Variants in DAB1 observed in about 807,000 individuals in gnomAD.
The protein encoded by DAB1 is disabled homolog 1.
In DAB1, 15 loss-of-function variants were observed where a neutral mutation model predicts 64.6. That is an observed-to-expected ratio of 0.23 (90% CI 0.16 to 0.36). The LOEUF is 0.36. Among genes scored for constraint, DAB1 ranks in the 10% least tolerant of loss-of-function variants. DAB1 has a pLI of 1.00. For missense variants in DAB1, 596 were observed against 706.7 expected, an observed-to-expected ratio of 0.84 and a Z score of 1.78; for synonymous variants, 235 against 251.9, an observed-to-expected ratio of 0.93 and a Z score of 0.64.
chr1:58,037,092 G>T (rs185577527), intron 5 of DAB1, among the ~76,000 whole-genome samples: 1 of 151,934 alleles, frequency 6.6e-6, no homozygotes, highest in African/African-American at 2.4e-5. Context: ...CCCTTAGACC[G>T]CTATCATTTT....
chr1:57,301,008 A>C (rs1164093677), intron 1 of DAB1, among the ~76,000 whole-genome samples: 1 of 152,022 alleles, frequency 6.6e-6, no homozygotes, highest in Non-Finnish European at 1.5e-5. Flanking sequence ...AGGGCCAAGC[A>C]AAAGACTGCT....
chr1:57,554,246 C>T (rs1334259403), intron 7 of DAB1, among the ~76,000 whole-genome samples: 1 of 152,200 alleles, frequency 6.6e-6, no homozygotes, highest in Non-Finnish European at 1.5e-5. Context: ...TGGAGAAGTG[C>T]AATGCAGTGT....
At chr1:57,536,703 A>AC (rs2101434904) in intron 7 of DAB1, among the ~76,000 whole-genome samples, 1 of 152,036 alleles carries the variant, frequency 6.6e-6, no homozygotes, top group Admixed American at 6.6e-5. Flanking sequence ...AAAAAAAAAA[A>AC]AAAAAAAGAT....
At chr1:58,064,975 G>C (rs1570303241) in intron 5 of DAB1, among the ~76,000 whole-genome samples, 1 of 152,192 alleles carries the variant, frequency 6.6e-6, no homozygotes, top group South Asian at 2.1e-4. Context: ...CTCCCAAAAT[G>C]CTGGGATTAC....
rs996690637 is a variant in DAB1, at chr1:57,734,632, C to T, written n.552-84967G>A. Among the ~76,000 whole-genome samples the T allele has an allele frequency of 2.6e-5, 4 of 152,190 alleles. No homozygotes were observed. In the East Asian group the frequency reaches 5.8e-4, roughly 22 times the overall value. ...TGTGCCTGAACTTAAGTTTCAACTTCGCTTAACCCTTGCTGATTCTTTTGG... is the reference window on the plus strand; with the variant it reads ...TGTGCCTGAACTTAAGTTTCAACTTTGCTTAACCCTTGCTGATTCTTTTGG... On this transcript the variant is annotated intron_variant and non_coding_transcript_variant, in intron 6 of 20. Coordinates refer to the DAB1 transcript ENST00000485760.
chr1:57,394,577 A>T (rs1033827522), intron 1 of DAB1, among the ~76,000 whole-genome samples: 1 of 152,210 alleles, frequency 6.6e-6, no homozygotes, highest in African/African-American at 2.4e-5. Context: ...TTCTGAATGA[A>T]CCTTCTCTGC....
At chr1:57,318,669 C>T (rs769740287) in intron 1 of DAB1, among the ~76,000 whole-genome samples, 2 of 147,176 alleles carry the variant, frequency 1.4e-5, no homozygotes, top group African/African-American at 2.5e-5. Context: ...GCATAGGGCA[C>T]GTTGACTCAA....
chr1:58,519,378 A>AGATGAAT (rs2100448153), intron 2 of DAB1, among the ~76,000 whole-genome samples: 1 of 152,326 alleles, frequency 6.6e-6, no homozygotes, highest in South Asian at 2.1e-4. Flanking sequence ...ATTCATCTGC[A>AGATGAAT]GACACGTGAA....
At chr1:57,312,044 T>G (rs1020578385) in intron 1 of DAB1, among the ~76,000 whole-genome samples, 7 of 152,202 alleles carry the variant, frequency 4.6e-5, no homozygotes, top group African/African-American at 1.7e-4. Context: ...AGTCCTTGAG[T>G]CCACAGTTGT....
At chr1:57,159,856 C>CTAAA (rs1660575771) in intron 2 of DAB1, among the ~76,000 whole-genome samples, 1 of 86,346 alleles carries the variant, frequency 1.2e-5, no homozygotes, top group Non-Finnish European at 2.2e-5. Flanking sequence ...AGCAGCAAGA[C>CTAAA]AAAAAAAAAA....
chr1:57,666,172 G>A (rs1328283198), intron 6 of DAB1, among the ~76,000 whole-genome samples: 1 of 152,018 alleles, frequency 6.6e-6, no homozygotes. Context: ...AATTTTATGA[G>A]GAGCACATTC....
At chr1:58,536,800 C>T (rs755209526) in intron 1 of DAB1, 39 of 809,834 alleles carry the variant, frequency 4.8e-5, no homozygotes, top group Non-Finnish European at 7.5e-5. Context: ...ATCACTAAAG[C>T]TCAAATGCAT....
chr1:57,617,301 C>T (rs1452967794), intron 7 of DAB1, among the ~76,000 whole-genome samples: 2 of 152,042 alleles, frequency 1.3e-5, no homozygotes, highest in Non-Finnish European at 2.9e-5. Context: ...GAGGTTAGCC[C>T]CCTGCCTCAA....
chr1:57,757,184 G>T (rs1648848626), intron 6 of DAB1, among the ~76,000 whole-genome samples: 1 of 116,610 alleles, frequency 8.6e-6, no homozygotes, highest in African/African-American at 2.8e-5. Context: ...CCATGCTGCT[G>T]GCCCAGGGGC....
chr1:58,360,857 C>A (rs1644157913), intron 3 of DAB1, among the ~76,000 whole-genome samples: 1 of 152,192 alleles, frequency 6.6e-6, no homozygotes, highest in African/African-American at 2.4e-5. Context: ...AATCTCATCA[C>A]TTAAATAACT....
At chr1:57,186,783 T>A (rs1012577679) in intron 2 of DAB1, among the ~76,000 whole-genome samples, 5 of 152,218 alleles carry the variant, frequency 3.3e-5, no homozygotes, top group African/African-American at 1.2e-4. Context: ...GTATTCCAAG[T>A]GATGGCTTGT....
chr1:57,969,936 G>A (rs192657714), intron 5 of DAB1, among the ~76,000 whole-genome samples: 29 of 151,976 alleles, frequency 1.9e-4, no homozygotes, highest in African/African-American at 6.3e-4. Flanking sequence ...TTAAGAGGTG[G>A]GGCCTTTAGT....
upstream of DAB1, chr1:57,884,185 A>G (rs1355753260): frequency 6.6e-6 from 1 of 152,348 alleles, no homozygotes; most frequent in Non-Finnish European, 1.5e-5. Context: ...AACGATGTCA[A>G]TTTTGAAGGC....
intron 4 of DAB1, among the ~76,000 whole-genome samples, chr1:58,209,277 C>T (rs1658434373): frequency 2.0e-5 from 3 of 152,254 alleles, no homozygotes; most frequent in African/African-American, 7.2e-5. Flanking sequence ...AAGCTTCCTT[C>T]CATTTCAAAG....
Sources: gnomAD v4.1 joint callset for allele counts (sites outside exome capture counted in the v4.1 genomes callset) on GRCh38, gnomAD v4.1.1 for gene constraint, MANE v1.5 for transcripts, NCBI Gene and HGNC (gene_info 2026-07-23, HGNC 2026-07-21) for gene names.